The following MARCHF3 variants were observed in gnomAD, a reference collection of about 807,000 sequenced individuals.
MARCHF3 encodes E3 ubiquitin-protein ligase MARCHF3.
MARCHF3 carries 13 observed loss-of-function variants against 24.2 expected under a neutral mutation model. That is an observed-to-expected ratio of 0.54 (90% CI 0.35 to 0.85). The LOEUF (loss-of-function observed/expected upper bound fraction) is 0.85, where lower values mean the gene tolerates loss of function less well. Among genes scored for constraint, MARCHF3 ranks in the 40% least tolerant of loss-of-function variants. The pLI is 0.01. For missense variants in MARCHF3, 276 were observed against 325.0 expected (o/e 0.85, Z 1.16); for synonymous variants, 144 against 137.3 (o/e 1.05, Z -0.34).
intron 3 of MARCHF3, among the ~76,000 whole-genome samples, chr5:126,896,131 G>A (rs927459173): frequency 7.9e-5 from 12 of 152,142 alleles, no homozygotes; most frequent in East Asian, 1.9e-4. Context: ...GACCCCTTGC[G>A]CTTCCCAAGT....
At chr5:126,926,776 C>CG (rs755392055) in intron 1 of MARCHF3, among the ~76,000 whole-genome samples, 1 of 151,850 alleles carries the variant, frequency 6.6e-6, no homozygotes, top group Non-Finnish European at 1.5e-5. Flanking sequence ...AGTTTCCCCC[C>CG]GAGACTGAGG....
intron 1 of MARCHF3, among the ~76,000 whole-genome samples, chr5:126,946,688 A>C (rs1283805181): frequency 6.6e-6 from 1 of 151,876 alleles, no homozygotes; most frequent in Non-Finnish European, 1.5e-5. Flanking sequence ...CTGCCCTCCC[A>C]AAACCAGGAA....
intron 3 of MARCHF3, among the ~76,000 whole-genome samples, chr5:126,899,455 G>A (rs529507801): frequency 2.0e-4 from 30 of 152,186 alleles, no homozygotes; most frequent in African/African-American, 6.5e-4. Context: ...ACAACCATTC[G>A]TGAAAGGAGG....
rs1213739460 is a variant in MARCHF3 at position 126,869,373 on chromosome 5, C to A, written c.*1260G>T. On this transcript the variant is annotated 3_prime_UTR_variant, in exon 5 of 5. Transcript: ENST00000308660. ...GCCAGCGCTCTCCTCAGAAGACATCCGCTCCTGCCTCGGTGCGCGCACAAT... is the reference window on the plus strand; with the variant it reads ...GCCAGCGCTCTCCTCAGAAGACATCAGCTCCTGCCTCGGTGCGCGCACAAT... 1 of 152,210 alleles carries A rather than the reference C, an allele frequency of 6.6e-6. No homozygotes were observed. The highest frequency in any genetic ancestry group is 1.5e-5 in the Non-Finnish European group (1 of 68,032). 9.4% of individuals were successfully genotyped at this position (152,210 alleles called of 1,614,324 possible).
intron 1 of MARCHF3, among the ~76,000 whole-genome samples, chr5:126,944,819 C>T (rs536854889): frequency 4.7e-4 from 72 of 152,292 alleles, no homozygotes; most frequent in African/African-American, 1.4e-3. Context: ...TTTCTGCTGA[C>T]ATGATCAAAT....
intron 4 of MARCHF3, among the ~76,000 whole-genome samples, chr5:126,876,977 T>C (rs373409875): frequency 2.0e-5 from 3 of 152,172 alleles, no homozygotes; most frequent in African/African-American, 7.2e-5. Flanking sequence ...AAGGAAGCAA[T>C]AATAGTTTTG....
At chr5:126,994,931 C>T (rs889207917) in intron 1 of MARCHF3, among the ~76,000 whole-genome samples, 8 of 152,328 alleles carry the variant, frequency 5.3e-5, no homozygotes, top group African/African-American at 1.7e-4. Flanking sequence ...GTCTGATGTT[C>T]GAGGGCAGAA....
chr5:126,895,098 G>A (rs1462298100), intron 3 of MARCHF3, among the ~76,000 whole-genome samples: 19 of 151,850 alleles, frequency 1.3e-4, no homozygotes, highest in African/African-American at 4.4e-4. Context: ...CCAGTTGATC[G>A]CATCAGCTCC....
intron 3 of MARCHF3, among the ~76,000 whole-genome samples, chr5:126,900,351 A>T (rs962489953): frequency 1.3e-5 from 2 of 152,068 alleles, no homozygotes; most frequent in Non-Finnish European, 2.9e-5. Flanking sequence ...AGGTGATGGT[A>T]TTAGGAAGTG....
intron 1 of MARCHF3, among the ~76,000 whole-genome samples, chr5:126,955,353 T>C (rs140268925): frequency 5.3e-5 from 8 of 152,362 alleles, no homozygotes; most frequent in African/African-American, 9.6e-5. Flanking sequence ...TTGGGAAATA[T>C]TTGTTGTGGT....
chr5:126,985,436 TA>T (rs905007909), intron 1 of MARCHF3, among the ~76,000 whole-genome samples: 4 of 151,342 alleles, frequency 2.6e-5, no homozygotes, highest in African/African-American at 7.3e-5. Context: ...AAATACTAGA[TA>T]AAAAAATACT....
At chr5:126,911,096 C>G (rs984081794) in intron 3 of MARCHF3, among the ~76,000 whole-genome samples, 19 of 152,166 alleles carry the variant, frequency 1.2e-4, no homozygotes, top group African/African-American at 4.6e-4. Context: ...GACCAGTTGT[C>G]TAATCTCAAA....
chr5:126,889,502 G>T (rs1753607620), intron 3 of MARCHF3, among the ~76,000 whole-genome samples: 1 of 151,984 alleles, frequency 6.6e-6, no homozygotes, highest in Non-Finnish European at 1.5e-5. Context: ...ATGGTGGAGG[G>T]ATTTCAAGGA....
chr5:126,972,466 T>C (rs1751051548), intron 1 of MARCHF3, among the ~76,000 whole-genome samples: 1 of 152,184 alleles, frequency 6.6e-6, no homozygotes, highest in Admixed American at 6.5e-5. Flanking sequence ...CATGTGCTTT[T>C]ATGGGGGAGG....
chr5:126,951,658 C>T (rs1750238071), intron 1 of MARCHF3, among the ~76,000 whole-genome samples: 1 of 152,110 alleles, frequency 6.6e-6, no homozygotes, highest in Admixed American at 6.6e-5. Context: ...ATTTTGAGCC[C>T]ATTTATTTCT....
intron 1 of MARCHF3, among the ~76,000 whole-genome samples, chr5:126,950,574 C>T (rs1160489402): frequency 6.6e-6 from 1 of 152,156 alleles, no homozygotes; most frequent in Non-Finnish European, 1.5e-5. Context: ...CACAAAGGAA[C>T]CACTGGGTTC....
intron 3 of MARCHF3, among the ~76,000 whole-genome samples, chr5:126,910,362 C>G (rs772253738): frequency 1.3e-5 from 2 of 152,184 alleles, no homozygotes; most frequent in Admixed American, 6.5e-5. Flanking sequence ...GCAAACTGGT[C>G]AACCAGAAAT....
intron 1 of MARCHF3, among the ~76,000 whole-genome samples, chr5:126,956,469 C>T (rs962897477): frequency 6.6e-6 from 1 of 151,640 alleles, no homozygotes; most frequent in Non-Finnish European, 1.5e-5. Flanking sequence ...GAAACTCTGT[C>T]TCTACTAAAA....
chr5:126,880,848 C>T (rs540345323), intron 3 of MARCHF3, among the ~76,000 whole-genome samples: 1 of 152,296 alleles, frequency 6.6e-6, no homozygotes, highest in South Asian at 2.1e-4. Context: ...ACAGTAGGCC[C>T]TGAACACATA....
Sources: allele counts gnomAD v4.1 joint callset (sites outside exome capture counted in the v4.1 genomes callset), GRCh38; gene constraint gnomAD v4.1.1; transcripts MANE v1.5; gene names NCBI Gene and HGNC (gene_info 2026-07-23, HGNC 2026-07-21).